Variants in COG5 observed in about 807,000 individuals in gnomAD.
The protein encoded by COG5 is component of oligomeric golgi complex 5.
COG5 carries 86 observed loss-of-function variants against 110.4 expected under a neutral mutation model. That is an observed-to-expected ratio of 0.78 (90% CI 0.65 to 0.93). The LOEUF is 0.93. Among genes scored for constraint, COG5 ranks in the 40% least tolerant of loss-of-function variants. COG5 has a pLI of 0.00. For missense variants in COG5, 1,077 were observed against 987.0 expected (o/e 1.09, Z -1.22); for synonymous variants, 360 against 334.6 (o/e 1.08, Z -0.83).
chr7:107,376,683 A>G (rs1814664355), intron 7 of COG5, among the ~76,000 whole-genome samples: 1 of 151,976 alleles, frequency 6.6e-6, no homozygotes, highest in Non-Finnish European at 1.5e-5. Context: ...TAGGATCTTC[A>G]GTACTGCACT....
At chr7:107,358,440 GTTTC>G (rs1294575624) in intron 10 of COG5, among the ~76,000 whole-genome samples, 3 of 152,162 alleles carry the variant, frequency 2.0e-5, no homozygotes, top group East Asian at 1.9e-4. Context: ...GCATCTCATT[GTTTC>G]TTTCACACAA....
At chr7:107,215,660 G>A (rs965093285) in intron 19 of COG5, among the ~76,000 whole-genome samples, 1 of 150,666 alleles carries the variant, frequency 6.6e-6, no homozygotes, top group Non-Finnish European at 1.5e-5. Flanking sequence ...GTGAGACTCC[G>A]TCTCAAACAA....
In COG5 at chr7:107,203,387, G is replaced by A. The variant is rs763239163; in HGVS notation, c.*129C>T. The A allele has an allele frequency of 4.9e-5, 36 of 732,420 alleles. No individual in the cohort carries two copies. The highest frequency in any genetic ancestry group is 1.6e-4 in the Admixed American group (8 of 49,934). 45.4% of individuals were successfully genotyped at this position (732,420 alleles called of 1,614,324 possible). On this transcript the variant is annotated 3_prime_UTR_variant, in exon 22 of 22. Coordinates refer to ENST00000297135, the MANE Select transcript of COG5 (RefSeq NM_006348.5). Reference sequence around the variant, plus strand: ...AGTGCTAAAGAGGTAAATAAACGTCGATAGGAAATACCGAACAATCAATTA... The same window carrying A: ...AGTGCTAAAGAGGTAAATAAACGTCAATAGGAAATACCGAACAATCAATTA...
intron 14 of COG5, among the ~76,000 whole-genome samples, chr7:107,270,258 C>CT (rs10611550): frequency 0.018 from 2,442 of 138,292 alleles, 52 homozygotes; most frequent in African/African-American, 0.051. Flanking sequence ...CTCACACGTG[C>CT]TTTTTTTTTT....
At chr7:107,329,032 A>C (rs904296293) in intron 10 of COG5, among the ~76,000 whole-genome samples, 1 of 152,144 alleles carries the variant, frequency 6.6e-6, no homozygotes, top group African/African-American at 2.4e-5. Flanking sequence ...CTGGGACTAC[A>C]TCATTGGCTT....
At chr7:107,475,441 T>C (rs1796915682) in intron 6 of COG5, 1 of 656,482 alleles carries the variant, frequency 1.5e-6, no homozygotes, top group Non-Finnish European at 2.6e-6. Context: ...TACTGCCAAA[T>C]ATAAGAAAAA....
At chr7:107,422,000 T>C (rs1793326677) in intron 6 of COG5, among the ~76,000 whole-genome samples, 1 of 152,110 alleles carries the variant, frequency 6.6e-6, no homozygotes, top group South Asian at 2.1e-4. Context: ...AAGAAAAACT[T>C]TGTTATTAGA....
chr7:107,469,813 A>G (rs572047038), intron 6 of COG5, among the ~76,000 whole-genome samples: 2 of 152,026 alleles, frequency 1.3e-5, no homozygotes, highest in African/African-American at 4.8e-5. Flanking sequence ...GGCATAAGTG[A>G]CCAACAAACC....
intron 5 of COG5, among the ~76,000 whole-genome samples, chr7:107,528,102 T>G (rs952814462): frequency 6.6e-6 from 1 of 152,038 alleles, no homozygotes; most frequent in Non-Finnish European, 1.5e-5. Context: ...ATCTTTTTTT[T>G]TTTTTTGAGA....
At chr7:107,434,421 C>G (rs558017147) in intron 6 of COG5, among the ~76,000 whole-genome samples, 1 of 152,132 alleles carries the variant, frequency 6.6e-6, no homozygotes, top group African/African-American at 2.4e-5. Context: ...AAAAGCAACC[C>G]AAAAGTCCAC....
At chr7:107,540,264 T>C (rs1032800651) in intron 5 of COG5, among the ~76,000 whole-genome samples, 1 of 152,096 alleles carries the variant, frequency 6.6e-6, no homozygotes, top group Non-Finnish European at 1.5e-5. Context: ...GGACCTGTAC[T>C]AACAAAGATT....
intron 6 of COG5, among the ~76,000 whole-genome samples, chr7:107,457,952 T>C (rs1317081345): frequency 6.6e-6 from 1 of 151,648 alleles, no homozygotes; most frequent in African/African-American, 2.4e-5. Flanking sequence ...TACATCACAA[T>C]GAAAATTATA....
At chr7:107,359,389 G>T (rs901744100) in intron 10 of COG5, among the ~76,000 whole-genome samples, 52 of 152,362 alleles carry the variant, frequency 3.4e-4, no homozygotes, top group African/African-American at 1.3e-3. Context: ...AAGGCCGAGG[G>T]AGTGTTGAGG....
At chr7:107,391,586 G>C (rs995014863) in intron 7 of COG5, among the ~76,000 whole-genome samples, 6 of 152,000 alleles carry the variant, frequency 3.9e-5, no homozygotes, top group African/African-American at 1.5e-4. Context: ...TTCCCCCTAT[G>C]TTTTCTTCTA....
intron 19 of COG5, among the ~76,000 whole-genome samples, chr7:107,216,326 C>G (rs1799528575): frequency 6.6e-6 from 1 of 152,204 alleles, no homozygotes; most frequent in Non-Finnish European, 1.5e-5. Context: ...ACCTCACTTT[C>G]AACAACGGCA....
intron 6 of COG5, among the ~76,000 whole-genome samples, chr7:107,444,077 A>G (rs1406516724): frequency 1.3e-5 from 2 of 152,210 alleles, no homozygotes; most frequent in Admixed American, 6.5e-5. Flanking sequence ...CAGTTCCATC[A>G]GAGTAAATAT....
At chr7:107,307,652 C>G (rs1807844834) in intron 11 of COG5, among the ~76,000 whole-genome samples, 1 of 152,028 alleles carries the variant, frequency 6.6e-6, no homozygotes, top group Non-Finnish European at 1.5e-5. Context: ...AGTGTAGTAA[C>G]TCAGGAATGG....
intron 7 of COG5, among the ~76,000 whole-genome samples, chr7:107,394,112 C>T (rs1790816359): frequency 6.6e-6 from 1 of 151,994 alleles, no homozygotes; most frequent in African/African-American, 2.4e-5. Flanking sequence ...CAGGCACCCG[C>T]CACCACGCCC....
At position 107,208,533 on chromosome 7, in the gene COG5, G is replaced by C. The variant is rs183025881; in HGVS notation, c.2375+1993C>G. On this transcript the variant is annotated intron_variant, in intron 21 of 21. Coordinates refer to ENST00000297135, the MANE Select transcript of COG5 (RefSeq NM_006348.5). ...ACGACTGAGTGTGTTGCAGCTGAGT[G>C]AATCTTTGGGACTCGGGAAAAATAA... 1.2e-4 allele frequency: 117 copies of C among 985,412 alleles called. No individual in the cohort carries two copies. In the African/African-American group the frequency reaches 1.8e-3, roughly 15 times the overall value. The allele number at this position is 985,412 out of a possible 1,614,324, so 61.0% of individuals were successfully genotyped here.
Sources: allele counts gnomAD v4.1 joint callset (sites outside exome capture counted in the v4.1 genomes callset), GRCh38; gene constraint gnomAD v4.1.1; transcripts MANE v1.5; gene names NCBI Gene and HGNC (gene_info 2026-07-23, HGNC 2026-07-21).